PADI2: variants seen among roughly 807,000 people sequenced by gnomAD.
PADI2 encodes peptidyl arginine deiminase 2.
Under a neutral mutation model 81.1 loss-of-function variants are expected in PADI2, and 70 were observed. The observed-to-expected ratio is 0.86, with a 90% CI of 0.71 to 1.05. The LOEUF (loss-of-function observed/expected upper bound fraction) is 1.05, where lower values mean the gene tolerates loss of function less well. Ranked by LOEUF, PADI2 falls within the 50% of genes least tolerant of loss-of-function variation. The pLI, the probability that PADI2 is intolerant of heterozygous loss-of-function variation, is 0.00. For synonymous variants in PADI2, 338 were observed against 358.0 expected, an observed-to-expected ratio of 0.94 and a Z score of 0.63; for missense variants, 853 against 889.9, an observed-to-expected ratio of 0.96 and a Z score of 0.53.
chr1:17,098,648 C>T (rs1178653108), intron 3 of PADI2, among the ~76,000 whole-genome samples: 1 of 152,188 alleles, frequency 6.6e-6, no homozygotes, highest in Non-Finnish European at 1.5e-5. Context: ...GGGCATTTCA[C>T]AGTGTGGCTC....
Position 17,115,575 on chromosome 1 carries a change from C to T in PADI2, c.92+3705G>A, listed in dbSNP as rs1931727333. On this transcript the variant is annotated intron_variant, in intron 1 of 15. Coordinates refer to ENST00000375486, the MANE Select transcript of PADI2 (RefSeq NM_007365.3). The surrounding 1 kb of genome is among the most constrained non-coding windows in gnomAD (Gnocchi z 4.1). ...GGCTGCCCTGTCCCTAATAATCCTT[C>T]CAGACTCTGGGAGTGTCCATGCCTC... Among the ~76,000 whole-genome samples, 1 of 152,244 alleles carries T rather than the reference C, an allele frequency of 6.6e-6. No homozygotes were observed. Among genetic ancestry groups the T allele is most frequent in the Non-Finnish European group, 1.5e-5 (1 of 68,048 alleles).
intron 6 of PADI2, among the ~76,000 whole-genome samples, chr1:17,089,640 T>A (rs911633688): frequency 6.6e-6 from 1 of 152,066 alleles, no homozygotes; most frequent in African/African-American, 2.4e-5. Flanking sequence ...TTTCTGACAG[T>A]TGGGGCCAGC....
At chr1:17,118,553 G>A (rs1035427596) in intron 1 of PADI2, among the ~76,000 whole-genome samples, 4 of 152,112 alleles carry the variant, frequency 2.6e-5, no homozygotes, top group Non-Finnish European at 4.4e-5. Flanking sequence ...CAAGTTCTTG[G>A]ACAGAGAGAA....
rs138052296 is a variant in PADI2, at chr1:17,069,220, C to T, written c.1822G>A (p.Val608Ile). 2.1e-5 allele frequency: 34 copies of T among 1,614,226 alleles called. 1 individual carries two copies. In the African/African-American group the frequency reaches 3.5e-4, roughly 16 times the overall value. Residue 608 changes from valine (V) to isoleucine (I), a missense_variant, in exon 16 of 16, where the codon GTT (valine) becomes ATT (isoleucine). Transcript: ENST00000375486. ...ATCTCCAGGCAGCATTCCTCCTCAA[C>T]CTGTGGCCCGAATGGCTTGGGGATG... ...LGIPKPFGPQVEEECCLEMHV... is the reference protein window; with the variant it reads ...LGIPKPFGPQIEEECCLEMHV...
chr1:17,104,790 GCAGTT>G, intron 2 of PADI2, 83 bp downstream of exon 2: 2 of 1,128,674 alleles, frequency 1.8e-6, no homozygotes, highest in Non-Finnish European at 2.4e-6. Context: ...TGGCCCACGT[GCAGTT>G]TCTATGGGAC....
intron 6 of PADI2, 125 bp from the exon 7 acceptor site, chr1:17,086,824 A>C: frequency 1.3e-6 from 1 of 742,574 alleles, no homozygotes; most frequent in Non-Finnish European, 2.2e-6. Context: ...AAGCACAAGC[A>C]GAAAATGCCA....
At chr1:17,107,887 G>A (rs1931441786) in intron 1 of PADI2, among the ~76,000 whole-genome samples, 2 of 152,116 alleles carry the variant, frequency 1.3e-5, no homozygotes, top group South Asian at 4.1e-4. Context: ...AGCCTGTCCT[G>A]GGATGATGTG....
chr1:17,082,700 T>C (rs1357870029), intron 9 of PADI2, 48 bp from the exon 10 acceptor site: 1 of 1,137,958 alleles, frequency 8.8e-7, no homozygotes. Flanking sequence ...GGGGACAATT[T>C]GTGCACATGG....
intron 13 of PADI2, among the ~76,000 whole-genome samples, chr1:17,072,342 A>C (rs2078269915): frequency 6.6e-6 from 1 of 152,214 alleles, no homozygotes; most frequent in African/African-American, 2.4e-5. Flanking sequence ...AGGCTTAGGG[A>C]CTCAGAAGGG....
Position 17,119,316 on chromosome 1 carries a change from T to C in PADI2, c.56A>G (p.Tyr19Cys). Reference sequence around the variant, plus strand: ...GGTCCAGAGGTAGGTGCCCAGCACGTACACCGCCTCCACGCGGCTCCCGTA... The same window carrying C: ...GGTCCAGAGGTAGGTGCCCAGCACGCACACCGCCTCCACGCGGCTCCCGTA... Reference protein sequence around the residue: ...LQYGSRVEAVYVLGTYLWTDV... With the variant: ...LQYGSRVEAVCVLGTYLWTDV... Residue 19 changes from tyrosine (Y) to cysteine (C), a missense_variant, in exon 1 of 16, where the codon TAC becomes TGC. By Grantham distance (194) the Tyr-to-Cys change is radical. Coordinates refer to ENST00000375486, the MANE Select transcript of PADI2 (RefSeq NM_007365.3). This position sits in a 1 kb window ranked among gnomAD's most constrained non-coding sequence, Gnocchi z 4.8. The C allele has an allele frequency of 6.4e-7, 1 of 1,561,036 alleles. No individual in the cohort carries two copies. The highest frequency in any genetic ancestry group is 2.5e-5 in the East Asian group (1 of 40,638).
At chr1:17,111,336 C>T (rs1381776138) in intron 1 of PADI2, among the ~76,000 whole-genome samples, 1 of 152,008 alleles carries the variant, frequency 6.6e-6, no homozygotes, top group East Asian at 1.9e-4. Context: ...TTCAAGTGAT[C>T]TGCCCGCCTC....
intron 6 of PADI2, among the ~76,000 whole-genome samples, 192 bp from the exon 7 acceptor site, chr1:17,086,891 G>A (rs1031698489): frequency 4.1e-4 from 62 of 152,212 alleles, no homozygotes; most frequent in African/African-American, 1.4e-3. Flanking sequence ...TGTGCTGGCT[G>A]TGTGGCGCTT....
In PADI2 at chr1:17,074,863, C is replaced by T. The variant is rs768748616; in HGVS notation, c.1542G>A (p.Met514Ile). 42 of 1,608,642 alleles carry T rather than the reference C, an allele frequency of 2.6e-5. No individual in the cohort carries two copies. In the East Asian group the frequency reaches 8.9e-4, roughly 34 times the overall value. ...GGCCCTGTGGCCACTCACCTTTGAA[C>T]ATGATGGCCTCTCCATGGCCGTCCT... Reference protein sequence around the residue: ...KQKDGHGEAIMFKGLGGMSSK... With the variant: ...KQKDGHGEAIIFKGLGGMSSK... Residue 514 changes from methionine to isoleucine, a missense_variant, in exon 13 of 16, where the codon ATG (methionine) becomes ATA (isoleucine). Physicochemically the swap from Met to Ile is conservative, Grantham distance 10. Coordinates refer to ENST00000375486, the MANE Select transcript of PADI2 (RefSeq NM_007365.3).
chr1:17,089,159 C>T (rs78163337), intron 6 of PADI2, among the ~76,000 whole-genome samples: 2,317 of 152,220 alleles, frequency 0.015, 58 homozygotes, highest in African/African-American at 0.053. Context: ...AGGGAAACCA[C>T]GTCCCACCTC....
At chr1:17,071,735 C>A (rs2078265905) in intron 13 of PADI2, among the ~76,000 whole-genome samples, 1 of 152,194 alleles carries the variant, frequency 6.6e-6, no homozygotes, top group Non-Finnish European at 1.5e-5. Context: ...ACAGTGGTGG[C>A]AGCTGCCTTG....
intron 1 of PADI2, among the ~76,000 whole-genome samples, chr1:17,109,219 T>C (rs1364418125): frequency 6.6e-6 from 1 of 151,540 alleles, no homozygotes; most frequent in Non-Finnish European, 1.5e-5. Context: ...ACCCTATCTC[T>C]ACTAAAAAAA....
At chr1:17,070,054 C>A (rs1244812577) in intron 15 of PADI2, 34 bp downstream of exon 15, 1 of 1,606,064 alleles carries the variant, frequency 6.2e-7, no homozygotes, top group Admixed American at 1.7e-5. Flanking sequence ...CCTGTACTGG[C>A]ATGGGGCGAG....
intron 4 of PADI2, among the ~76,000 whole-genome samples, chr1:17,095,518 G>A (rs1420480253): frequency 1.3e-5 from 2 of 152,134 alleles, no homozygotes; most frequent in East Asian, 1.9e-4. Flanking sequence ...ATAATACCAC[G>A]CCTGGAACTG....
At chr1:17,102,222 T>A (rs1360522458) in intron 3 of PADI2, among the ~76,000 whole-genome samples, 3 of 152,216 alleles carry the variant, frequency 2.0e-5, no homozygotes, top group Non-Finnish European at 4.4e-5. Flanking sequence ...TAACATTCTA[T>A]GATTAAAAAA....
Sources: gnomAD v4.1 joint callset for allele counts (sites outside exome capture counted in the v4.1 genomes callset) on GRCh38, gnomAD v4.1.1 for gene constraint, Gnocchi (gnomAD v3.1) non-coding constraint, MANE v1.5 for transcripts, NCBI Gene and HGNC (gene_info 2026-07-23, HGNC 2026-07-21) for gene names.